Variants in PXDNL observed in about 807,000 individuals in gnomAD.
The protein encoded by PXDNL is peroxidasin like.
A neutral mutation model predicts 150.8 loss-of-function variants in PXDNL; 145 were observed. The ratio of observed to expected loss-of-function variants is 0.96; its 90% CI spans 0.84 to 1.10. The LOEUF (loss-of-function observed/expected upper bound fraction) is 1.10, where lower values mean the gene tolerates loss of function less well. PXDNL is among the 50% of genes least tolerant of loss of function. PXDNL has a pLI of 0.00. For missense variants in PXDNL, 2,087 were observed against 1,873.9 expected, an observed-to-expected ratio of 1.11 and a Z score of -2.10; for synonymous variants, 757 against 725.7, an observed-to-expected ratio of 1.04 and a Z score of -0.69.
chr8:51,424,257 T>C (rs1586095577), intron 13 of PXDNL, among the ~76,000 whole-genome samples: 1 of 152,082 alleles, frequency 6.6e-6, no homozygotes, highest in East Asian at 1.9e-4. Flanking sequence ...TAGTTCTAGC[T>C]ACTCAGGAGG....
At chr8:51,407,918 T>G (rs947495981) in intron 17 of PXDNL, 149 bp downstream of exon 17, 1 of 658,344 alleles carries the variant, frequency 1.5e-6, no homozygotes, top group Non-Finnish European at 2.5e-6. Flanking sequence ...GGTGAATCCT[T>G]CCTTTAATAT....
chr8:51,411,703 G>C (rs930145330), intron 15 of PXDNL, among the ~76,000 whole-genome samples: 2 of 152,034 alleles, frequency 1.3e-5, no homozygotes, highest in East Asian at 3.9e-4. Context: ...TGGGGGGGTC[G>C]GTTGATGAAT....
intron 1 of PXDNL, among the ~76,000 whole-genome samples, chr8:51,694,200 A>G (rs761202194): frequency 2.6e-5 from 4 of 152,146 alleles, no homozygotes; most frequent in Non-Finnish European, 5.9e-5. Flanking sequence ...TCTGCTAAAC[A>G]AAATACAAAA....
intron 1 of PXDNL, among the ~76,000 whole-genome samples, chr8:51,753,084 A>G (rs1035400787): frequency 2.0e-5 from 3 of 152,226 alleles, no homozygotes; most frequent in Admixed American, 1.3e-4. Context: ...AACAGTAAAT[A>G]TGGAATAGCA....
At chr8:51,620,444 C>G (rs1814226721) in intron 2 of PXDNL, among the ~76,000 whole-genome samples, 1 of 152,128 alleles carries the variant, frequency 6.6e-6, no homozygotes, top group Non-Finnish European at 1.5e-5. Flanking sequence ...AATTTCTTGC[C>G]TATTACTGTT....
intron 1 of PXDNL, among the ~76,000 whole-genome samples, chr8:51,716,684 T>C (rs1816622279): frequency 6.6e-6 from 1 of 152,124 alleles, no homozygotes; most frequent in Non-Finnish European, 1.5e-5. Flanking sequence ...AGAAAGTAAA[T>C]AATAATATGG....
In PXDNL at chr8:51,530,566, G is replaced by T. The variant is rs928094199; in HGVS notation, c.380+26274C>A. On this transcript the variant is annotated intron_variant, in intron 4 of 22. Coordinates refer to ENST00000356297, the MANE Select transcript of PXDNL (RefSeq NM_144651.5). ...GCCATGACCACCCGGACTGCCCACTGCTGCTCAGGTGTCTCTGCGGCTCTC... is the reference window on the plus strand; with the variant it reads ...GCCATGACCACCCGGACTGCCCACTTCTGCTCAGGTGTCTCTGCGGCTCTC... Among the ~76,000 whole-genome samples, 4 of 152,160 alleles carry T rather than the reference G, an allele frequency of 2.6e-5. No individual in the cohort carries two copies. In the East Asian group the frequency reaches 7.7e-4, roughly 29 times the overall value.
intron 1 of PXDNL, among the ~76,000 whole-genome samples, chr8:51,661,446 G>A (rs1036641030): frequency 6.6e-6 from 1 of 152,176 alleles, no homozygotes; most frequent in Non-Finnish European, 1.5e-5. Flanking sequence ...AGTGGGCTTT[G>A]AGTAAAGCAG....
chr8:51,553,127 C>T (rs1812527721), intron 4 of PXDNL, among the ~76,000 whole-genome samples: 1 of 152,262 alleles, frequency 6.6e-6, no homozygotes, highest in Non-Finnish European at 1.5e-5. Context: ...GACTCTGTGT[C>T]CTGCCTCCTG....
chr8:51,775,119 T>C (rs549223995), intron 1 of PXDNL, among the ~76,000 whole-genome samples: 2 of 152,272 alleles, frequency 1.3e-5, no homozygotes, highest in African/African-American at 4.8e-5. Context: ...ATACAATTGT[T>C]ATTCACTTAG....
intron 18 of PXDNL, among the ~76,000 whole-genome samples, chr8:51,372,997 G>T (rs750884956): frequency 2.0e-5 from 3 of 152,154 alleles, no homozygotes; most frequent in Non-Finnish European, 2.9e-5. Context: ...AGGAAATTAA[G>T]ATGGTAGGCA....
chr8:51,590,271 A>G (rs1264332174), intron 3 of PXDNL, among the ~76,000 whole-genome samples: 2 of 152,022 alleles, frequency 1.3e-5, no homozygotes, highest in African/African-American at 4.8e-5. Flanking sequence ...CAAAGGATGT[A>G]CCAAATAAAC....
intron 21 of PXDNL, among the ~76,000 whole-genome samples, chr8:51,332,554 C>A (rs1304274651): frequency 6.6e-6 from 1 of 151,276 alleles, no homozygotes; most frequent in African/African-American, 2.4e-5. Flanking sequence ...AAAGGCGAAG[C>A]TCAATGCAAG....
chr8:51,632,254 T>C (rs1814506337), intron 2 of PXDNL, among the ~76,000 whole-genome samples: 1 of 152,108 alleles, frequency 6.6e-6, no homozygotes, highest in Non-Finnish European at 1.5e-5. Flanking sequence ...AATAACAATA[T>C]AGAGGACTTG....
chr8:51,738,354 C>T (rs946777740), intron 1 of PXDNL, among the ~76,000 whole-genome samples: 7 of 152,210 alleles, frequency 4.6e-5, no homozygotes, highest in East Asian at 1.9e-4. Flanking sequence ...TCTCCCAAAA[C>T]GTGCTGTGCT....
At chr8:51,400,742 A>C (rs576784691) in intron 17 of PXDNL, among the ~76,000 whole-genome samples, 1 of 152,316 alleles carries the variant, frequency 6.6e-6, no homozygotes, top group South Asian at 2.1e-4. Flanking sequence ...ATTGGGGTTA[A>C]GGTCATGTAA....
chr8:51,326,393 G>A (rs1436016853), intron 21 of PXDNL, among the ~76,000 whole-genome samples: 1 of 152,178 alleles, frequency 6.6e-6, no homozygotes, highest in Non-Finnish European at 1.5e-5. Flanking sequence ...AGCTACTCAG[G>A]AGGCTGAAGC....
intron 1 of PXDNL, among the ~76,000 whole-genome samples, chr8:51,743,350 T>C (rs1381077711): frequency 2.0e-5 from 3 of 151,902 alleles, no homozygotes; most frequent in Non-Finnish European, 4.4e-5. Flanking sequence ...CCTGAGTAGT[T>C]GGGATTACAA....
chr8:51,647,754 C>A (rs564744908), intron 2 of PXDNL, among the ~76,000 whole-genome samples: 1 of 150,774 alleles, frequency 6.6e-6, no homozygotes, highest in Non-Finnish European at 1.5e-5. Flanking sequence ...ATATAAGGAT[C>A]ATGATAGTGC....
Sources: allele counts gnomAD v4.1 joint callset (sites outside exome capture counted in the v4.1 genomes callset), GRCh38; gene constraint gnomAD v4.1.1; transcripts MANE v1.5; gene names NCBI Gene and HGNC (gene_info 2026-07-23, HGNC 2026-07-21).